The following ANKFN1 variants were observed in gnomAD, a reference collection of about 807,000 sequenced individuals.
ANKFN1 encodes the protein ankyrin repeat and fibronectin type-III domain-containing protein 1.
In ANKFN1, 74 loss-of-function variants were observed where a neutral mutation model predicts 108.7. The observed-to-expected ratio is 0.68, with a 90% CI of 0.56 to 0.83. The LOEUF is 0.83. ANKFN1 is among the 40% of genes least tolerant of loss of function. The probability of loss-of-function intolerance (pLI) is 0.00; values close to 1 mark genes in which losing one functional copy is unlikely to be tolerated. For missense variants in ANKFN1, 1,505 were observed against 1,382.3 expected (o/e 1.09, Z -1.41); for synonymous variants, 547 against 516.2 (o/e 1.06, Z -0.81).
intron 4 of ANKFN1, among the ~76,000 whole-genome samples, chr17:56,147,398 T>C (rs1044070965): frequency 2.0e-5 from 3 of 151,750 alleles, no homozygotes; most frequent in African/African-American, 7.3e-5. Flanking sequence ...GACTGGGTAA[T>C]TTATAAAGGA....
In ANKFN1 at chr17:56,510,994, C is replaced by T; in HGVS notation, c.3166C>T (p.Pro1056Ser). The T allele has an allele frequency of 6.5e-7, 1 of 1,536,022 alleles. No homozygotes were observed. The highest frequency in any genetic ancestry group is 8.7e-7 in the Non-Finnish European group (1 of 1,146,866). The stretch of plus-strand genomic sequence containing the variant: ...GCCCAAGGAGGCCAAGCGGGCCGGC[C>T]CTGCCCTTGATGATCCCAGGGGCCT... ...QEPKEAKRAG[P>S]ALDDPRGLTL... The change falls in exon 21 of 21, where the codon CCT (proline) becomes TCT (serine). Residue 1056 changes from proline (P) to serine (S), a missense_variant. By Grantham distance (74) the Pro-to-Ser change is moderately conservative. Coordinates refer to ENST00000682825, the MANE Select transcript of ANKFN1 (RefSeq NM_001370326.1).
At chr17:56,449,037 C>T in intron 10 of ANKFN1, 42 bp from the exon 11 acceptor site, 1 of 1,573,472 alleles carries the variant, frequency 6.4e-7, no homozygotes, top group Non-Finnish European at 8.7e-7. Flanking sequence ...GAGGCCTCCC[C>T]TGTTTTAAAA....
At chr17:56,158,212 C>CACCCCAGTGGTTA (rs1909292995) in intron 1 of ANKFN1, among the ~76,000 whole-genome samples, 1 of 152,196 alleles carries the variant, frequency 6.6e-6, no homozygotes, top group South Asian at 2.1e-4. Flanking sequence ...GGCTGAGCAA[C>CACCCCAGTGGTTA]TCCCCTCACA....
In ANKFN1 at chr17:56,442,903, A is replaced by G. The variant is rs1314237791; in HGVS notation, c.1069A>G (p.Thr357Ala). 1 of 1,613,686 alleles carries G rather than the reference A, an allele frequency of 6.2e-7. No homozygotes were observed. Among genetic ancestry groups the G allele is most frequent in the Admixed American group, 1.7e-5 (1 of 59,978 alleles). The change falls in exon 10 of 21, where the codon ACC becomes GCC. Residue 357 changes from threonine to alanine, a missense_variant. Transcript: ENST00000682825. ...YNMKGWGPAQTTTPACASPSN... is the reference protein window; with the variant it reads ...YNMKGWGPAQATTPACASPSN... ...TATGAAAGGATGGGGACCTGCTCAG[A>G]CCACGACACCGGCATGTGCCTCTCC...
chr17:56,175,986 C>T (rs1272208511), intron 1 of ANKFN1, among the ~76,000 whole-genome samples: 1 of 150,820 alleles, frequency 6.6e-6, no homozygotes, highest in Non-Finnish European at 1.5e-5. Flanking sequence ...GAGAGAGAGA[C>T]AAAAAAATAC....
chr17:56,467,831 AAAGAAAGAAAGAAAGAAAGAAAAAGG>A lies in ANKFN1; in HGVS notation c.1773+1261_1773+1286del, dbSNP rs1297662852. ...GAAAGAAAGAAAGAAAGAAAGAAAG[AAAGAAAGAAAGAAAGAAAGAAAAAGG>A]GAAAGAAAGAAAGAACTAGAGCTCA... is the stretch of plus-strand genomic sequence containing the variant. On this transcript the variant is annotated intron_variant, in intron 15 of 20. Transcript: ENST00000682825. Among the ~76,000 whole-genome samples the A allele has an allele frequency of 5.9e-4, 25 of 42,556 alleles. No homozygotes were observed. The Admixed American group carries it at 7.0e-3, about 12-fold the overall frequency. The allele number at this position is 42,556 out of a possible 152,430, so 27.9% of individuals were successfully genotyped here.
chr17:56,170,772 TTTTATA>T (rs1240867562), intron 1 of ANKFN1, among the ~76,000 whole-genome samples: 1 of 54,238 alleles, frequency 1.8e-5, no homozygotes, highest in East Asian at 5.2e-4. Flanking sequence ...AGAAAAAATT[TTTTATA>T]TATATATATA....
rs1433864708 is a variant in ANKFN1, at chr17:56,295,784, C to T, written c.54-30437C>T. Among the ~76,000 whole-genome samples, 3 of 152,200 alleles carry T rather than the reference C, an allele frequency of 2.0e-5. No homozygotes were observed. In the East Asian group the frequency reaches 5.8e-4, roughly 29 times the overall value. On this transcript the variant is annotated intron_variant, in intron 3 of 20. Coordinates refer to ENST00000682825, the MANE Select transcript of ANKFN1 (RefSeq NM_001370326.1). Reference sequence around the variant, plus strand: ...CTGGCAAGGGCCATCTTGCAGAATGCACCACATGGTGGAAGGGGAAAGAGA... The same window carrying T: ...CTGGCAAGGGCCATCTTGCAGAATGTACCACATGGTGGAAGGGGAAAGAGA...
At chr17:56,117,410 T>C (rs1344869695) in intron 4 of ANKFN1, among the ~76,000 whole-genome samples, 2 of 152,198 alleles carry the variant, frequency 1.3e-5, no homozygotes, top group Non-Finnish European at 2.9e-5. Context: ...GTAGTCATCA[T>C]TGGACTGCAA....
intron 8 of ANKFN1, among the ~76,000 whole-genome samples, chr17:56,405,339 T>A (rs1688901299): frequency 6.6e-6 from 1 of 152,232 alleles, no homozygotes; most frequent in Admixed American, 6.5e-5. Context: ...ACTTGAGGTA[T>A]CACTTTTCAC....
At chr17:56,434,311 A>G (rs1211435641) in intron 8 of ANKFN1, among the ~76,000 whole-genome samples, 1 of 151,502 alleles carries the variant, frequency 6.6e-6, no homozygotes, top group Non-Finnish European at 1.5e-5. Context: ...AAGTGAATCT[A>G]GCCTTCTGAT....
At chr17:56,049,128 G>T (rs113416980) in intron 4 of ANKFN1, among the ~76,000 whole-genome samples, 13 of 152,262 alleles carry the variant, frequency 8.5e-5, no homozygotes, top group African/African-American at 3.1e-4. Flanking sequence ...TTTTTCAAGT[G>T]TTCTTTTATT....
chr17:56,378,234 G>A (rs1038458253), intron 8 of ANKFN1, among the ~76,000 whole-genome samples: 22 of 152,172 alleles, frequency 1.4e-4, no homozygotes, highest in South Asian at 1.0e-3. Context: ...ATTCCAGGGC[G>A]GTGTATGAGG....
intron 4 of ANKFN1, among the ~76,000 whole-genome samples, chr17:56,106,439 T>C (rs1329943608): frequency 6.6e-6 from 1 of 152,350 alleles, no homozygotes; most frequent in East Asian, 1.9e-4. Flanking sequence ...CCCTTACCGA[T>C]AAAACAGAGA....
chr17:56,062,216 G>A (rs930516414), intron 4 of ANKFN1, among the ~76,000 whole-genome samples: 3 of 152,138 alleles, frequency 2.0e-5, no homozygotes, highest in Non-Finnish European at 4.4e-5. Flanking sequence ...TGTTGATTTG[G>A]AGTGGAGAGT....
intron 11 of ANKFN1, among the ~76,000 whole-genome samples, chr17:56,455,900 T>C (rs929422682): frequency 6.6e-6 from 1 of 152,232 alleles, no homozygotes; most frequent in Non-Finnish European, 1.5e-5. Flanking sequence ...TTTTCACTTC[T>C]CAGCCTCAGT....
At chr17:56,251,787 A>G (rs565772813) in intron 3 of ANKFN1, among the ~76,000 whole-genome samples, 23 of 152,296 alleles carry the variant, frequency 1.5e-4, no homozygotes, top group African/African-American at 5.5e-4. Flanking sequence ...GAAGAGAAAA[A>G]AAGTTACCAA....
chr17:56,462,412 C>T (rs879580317), intron 14 of ANKFN1, among the ~76,000 whole-genome samples: 3 of 152,084 alleles, frequency 2.0e-5, no homozygotes, highest in Admixed American at 6.5e-5. Context: ...CTGACCAACA[C>T]GGACAAACCC....
At chr17:56,360,398 C>T (rs1050393132) in intron 6 of ANKFN1, among the ~76,000 whole-genome samples, 1 of 152,214 alleles carries the variant, frequency 6.6e-6, no homozygotes, top group Non-Finnish European at 1.5e-5. Flanking sequence ...GAGGCTTTCT[C>T]TGGCCACCAA....
Sources: gnomAD v4.1 joint callset for allele counts (sites outside exome capture counted in the v4.1 genomes callset) on GRCh38, gnomAD v4.1.1 for gene constraint, MANE v1.5 for transcripts, NCBI Gene and HGNC (gene_info 2026-07-23, HGNC 2026-07-21) for gene names.